Variants in OGDHL observed in about 807,000 individuals in gnomAD.
OGDHL encodes the protein oxoglutarate dehydrogenase L.
OGDHL carries 79 observed loss-of-function variants against 109.6 expected under a neutral mutation model. The observed-to-expected ratio is 0.72, with a 90% CI of 0.60 to 0.87. The LOEUF is 0.87. Ranked by LOEUF, OGDHL falls within the 40% of genes least tolerant of loss-of-function variation. The pLI is 0.00. For missense variants in OGDHL, 1,275 were observed against 1,362.2 expected, an observed-to-expected ratio of 0.94 and a Z score of 1.01; for synonymous variants, 528 against 537.2, an observed-to-expected ratio of 0.98 and a Z score of 0.24.
In OGDHL at chr10:49,748,070, G is replaced by A. The variant is rs141917061; in HGVS notation, c.988-862C>T. On this transcript the variant is annotated intron_variant, in intron 8 of 22. Transcript: ENST00000374103. ...ACCATCACACACTGTGGATGGGCTC[G>A]CTGACATCTGCCAGCTCCTGGGAGG... Among the ~76,000 whole-genome samples the A allele has an allele frequency of 4.6e-4, 70 of 152,314 alleles. No individual in the cohort carries two copies. The East Asian group carries it at 6.4e-3, about 14-fold the overall frequency.
intron 3 of OGDHL, 97 bp from the exon 4 acceptor site, chr10:49,752,837 C>A: frequency 1.2e-6 from 1 of 850,218 alleles, no homozygotes; most frequent in Non-Finnish European, 1.9e-6. Context: ...CTTCCCATTC[C>A]CGAATGTTAA....
intron 14 of OGDHL, 34 bp downstream of exon 14, chr10:49,743,960 G>A (rs767659238): frequency 6.2e-7 from 1 of 1,601,878 alleles, no homozygotes; most frequent in African/African-American, 1.3e-5. Context: ...GGTGGGGCCA[G>A]CAGCCTGGGC....
intron 1 of OGDHL, among the ~76,000 whole-genome samples, chr10:49,759,218 C>A (rs1214049556): frequency 1.3e-5 from 2 of 152,182 alleles, no homozygotes; most frequent in African/African-American, 4.8e-5. Context: ...TGCCCTCTCT[C>A]CCAGGCCCAG....
At chr10:49,746,683 C>T in intron 10 of OGDHL, 67 bp downstream of exon 10, 1 of 1,588,686 alleles carries the variant, frequency 6.3e-7, no homozygotes, top group South Asian at 1.1e-5. Flanking sequence ...ACTTTCCCCG[C>T]AAGCTACTGC....
intron 8 of OGDHL, among the ~76,000 whole-genome samples, chr10:49,749,164 A>G (rs1842412762): frequency 6.6e-6 from 1 of 152,140 alleles, no homozygotes. Context: ...AGCCAAGATC[A>G]TGCCATTGCA....
intron 15 of OGDHL, among the ~76,000 whole-genome samples, chr10:49,742,207 G>A (rs1299411216): frequency 3.0e-5 from 3 of 99,710 alleles, no homozygotes; most frequent in African/African-American, 4.0e-5. Flanking sequence ...ACACACATAC[G>A]CACACCCCCA....
chr10:49,754,278 G>C (rs1417352965), intron 3 of OGDHL, among the ~76,000 whole-genome samples: 5 of 152,152 alleles, frequency 3.3e-5, no homozygotes, highest in African/African-American at 1.2e-4. Context: ...GACAAGTTTT[G>C]AGCAACTATA....
intron 11 of OGDHL, 27 bp from the exon 12 acceptor site, chr10:49,745,523 G>A: frequency 1.2e-6 from 2 of 1,612,540 alleles, no homozygotes; most frequent in African/African-American, 1.3e-5. Context: ...AGGGGCTCAG[G>A]CCCTTCCCTA....
At chr10:49,735,992 G>A (rs376414210) in intron 22 of OGDHL, 31 bp downstream of exon 22, 82 of 1,541,236 alleles carry the variant, frequency 5.3e-5, no homozygotes, top group Non-Finnish European at 6.7e-5. Flanking sequence ...CAGGGCCGAG[G>A]TGAGGGGCAA....
At chr10:49,744,274 G>T in intron 13 of OGDHL, 152 bp from the exon 14 acceptor site, 1 of 977,112 alleles carries the variant, frequency 1.0e-6, no homozygotes, top group Non-Finnish European at 1.5e-6. Flanking sequence ...ACCTGGGACA[G>T]CTGGACAGCC....
rs922131335 is a variant in OGDHL at position 49,745,241 on chromosome 10, T to G, written c.1629+103A>C. On this transcript the variant is annotated intron_variant, in intron 12 of 22. Coordinates refer to ENST00000374103, the MANE Select transcript of OGDHL (RefSeq NM_018245.3). ...GACAAGGACCATAGTGGCTACTTCT[T>G]TAAATCCTTAGTGCCCAGCACTGGG... 9 of 1,443,914 alleles carry G rather than the reference T, an allele frequency of 6.2e-6. No homozygotes were observed. In the Admixed American group the frequency reaches 1.4e-4, roughly 23 times the overall value. The allele number at this position is 1,443,914 out of a possible 1,614,324, so 89.4% of individuals were successfully genotyped here.
intron 8 of OGDHL, among the ~76,000 whole-genome samples, chr10:49,747,943 CAA>C (rs1842309693): frequency 6.6e-6 from 1 of 152,150 alleles, no homozygotes; most frequent in Non-Finnish European, 1.5e-5. Context: ...GAATTCATAA[CAA>C]AGAAATGCAT....
At chr10:49,745,771 T>C in intron 11 of OGDHL, 27 bp downstream of exon 11, 1 of 1,608,262 alleles carries the variant, frequency 6.2e-7, no homozygotes, top group Non-Finnish European at 8.5e-7. Flanking sequence ...CACCCACCCA[T>C]GCCTTGGCCT....
At chr10:49,746,108 C>T (rs1204235231) in intron 10 of OGDHL, 131 bp from the exon 11 acceptor site, 1 of 1,018,590 alleles carries the variant, frequency 9.8e-7, no homozygotes. Flanking sequence ...TGGGACACAA[C>T]AGGGTGATGG....
At chr10:49,750,810 C>A (rs375189065) in intron 7 of OGDHL, 29 bp downstream of exon 7, 6 of 1,584,218 alleles carry the variant, frequency 3.8e-6, no homozygotes, top group South Asian at 2.3e-5. Flanking sequence ...GAGGAGAATG[C>A]GCAAGGCACA....
chr10:49,745,881 C>G lies in OGDHL; in HGVS notation c.1393G>C (p.Asp465His), dbSNP rs763967997. ...VNAPIFHVNA[D>H]DPEAVIYVCS... ...ACATATATCACAGCCTCTGGGTCATCGGCATTCACATGGAAGATAGGCGCA... is the reference window on the plus strand; with the variant it reads ...ACATATATCACAGCCTCTGGGTCATGGGCATTCACATGGAAGATAGGCGCA... The change falls in exon 11 of 23, where the codon GAT (aspartate) becomes CAT (histidine). Residue 465 changes from aspartate (D) to histidine (H), a missense_variant. Coordinates refer to ENST00000374103, the MANE Select transcript of OGDHL (RefSeq NM_018245.3). 4.3e-6 allele frequency: 7 copies of G among 1,614,074 alleles called. No individual in the cohort carries two copies. The Admixed American group carries it at 1.2e-4, about 27-fold the overall frequency.
At chr10:49,750,071 GC>G in intron 7 of OGDHL, among the ~76,000 whole-genome samples, 1 of 152,170 alleles carries the variant, frequency 6.6e-6, no homozygotes, top group East Asian at 1.9e-4. Context: ...GCATTCCCAG[GC>G]CCCCCATGAC....
At chr10:49,746,398 C>A (rs1488310451) in intron 10 of OGDHL, among the ~76,000 whole-genome samples, 1 of 152,206 alleles carries the variant, frequency 6.6e-6, no homozygotes, top group Non-Finnish European at 1.5e-5. Context: ...AGGCAGTGAA[C>A]ACAGGGCTTT....
At chr10:49,740,979 C>T in intron 15 of OGDHL, 142 bp from the exon 16 acceptor site, 1 of 1,073,654 alleles carries the variant, frequency 9.3e-7, no homozygotes, top group Non-Finnish European at 1.3e-6. Context: ...AACATGGCAT[C>T]CAAGAAGGCT....
Sources: allele counts gnomAD v4.1 joint callset (sites outside exome capture counted in the v4.1 genomes callset), GRCh38; gene constraint gnomAD v4.1.1; transcripts MANE v1.5; gene names NCBI Gene and HGNC (gene_info 2026-07-23, HGNC 2026-07-21).